Variants in ADGRV1 observed in about 807,000 individuals in gnomAD.
The protein encoded by ADGRV1 is adhesion G protein-coupled receptor V1, also known as G-protein coupled receptor 98.
ADGRV1 carries 359 observed loss-of-function variants against 596.2 expected under a neutral mutation model. The ratio of observed to expected loss-of-function variants is 0.60; its 90% confidence interval spans 0.55 to 0.66. ADGRV1 has a LOEUF of 0.66. Among genes scored for constraint, ADGRV1 ranks in the 30% least tolerant of loss-of-function variants. The probability of loss-of-function intolerance (pLI) is 0.00; values close to 1 mark genes in which losing one functional copy is unlikely to be tolerated. For synonymous variants in ADGRV1, 2,681 were observed against 2,679.2 expected (o/e 1.00, Z -0.02); for missense variants, 7,274 against 7,575.6 (o/e 0.96, Z 1.48).
At chr5:90,589,439 TCTCTC>T (rs1289388897) in intron 1 of ADGRV1, among the ~76,000 whole-genome samples, 1 of 152,168 alleles carries the variant, frequency 6.6e-6, no homozygotes, top group African/African-American at 2.4e-5. Context: ...GAAACTGGCT[TCTCTC>T]CTCAAGCAAT....
chr5:90,996,226 A>G (rs1471035666), intron 85 of ADGRV1, among the ~76,000 whole-genome samples: 1 of 152,208 alleles, frequency 6.6e-6, no homozygotes, highest in Non-Finnish European at 1.5e-5. Context: ...TTACAAGCCC[A>G]GAGGCCTGGG....
chr5:90,763,347 T>C lies in ADGRV1; in HGVS notation c.12163T>C (p.Tyr4055His), dbSNP rs1561680396. ...ESLSSDDPDS[Y>H]VTLTVVRSPG... ...CCTTTCATCCGATGACCCTGATTCA[T>C]ATGTGACATTGACGGTTGTCCGGTC... Residue 4055 changes from tyrosine to histidine, a missense_variant, in exon 59 of 90, where the codon TAT becomes CAT. Tyr to His is a moderately conservative substitution (Grantham distance 83). Transcript: ENST00000405460. 2 of 1,611,148 alleles carry C rather than the reference T, an allele frequency of 1.2e-6. No individual in the cohort carries two copies. Among genetic ancestry groups the C allele is most frequent in the Non-Finnish European group, 1.7e-6 (2 of 1,177,722 alleles).
chr5:91,134,955 G>T (rs970206179), intron 87 of ADGRV1, among the ~76,000 whole-genome samples: 4 of 151,932 alleles, frequency 2.6e-5, no homozygotes, highest in Admixed American at 6.6e-5. Flanking sequence ...GCCAAGGTGG[G>T]CAGATCACTT....
rs771912274 is a variant in ADGRV1, at chr5:90,676,139, C to T, written c.5373C>T (p.Asn1791=). 4 of 1,604,564 alleles carry T rather than the reference C, an allele frequency of 2.5e-6. No homozygotes were observed. The highest frequency in any genetic ancestry group is 3.4e-6 in the Non-Finnish European group (4 of 1,174,040). The part of the protein sequence containing the change: ...PGERYKYIFI[N]ITDNSIPELE... ...AAAGATATAAATACATTTTCATAAA[C>T]ATCACTGATAATTCTATTCCTGAAC... The change falls in exon 25 of 90, where the codon AAC becomes AAT. Residue 1791 remains asparagine (N), a synonymous_variant. Transcript: ENST00000405460.
intron 83 of ADGRV1, among the ~76,000 whole-genome samples, chr5:90,940,071 G>A (rs1480968593): frequency 6.6e-6 from 1 of 152,056 alleles, no homozygotes; most frequent in African/African-American, 2.4e-5. Flanking sequence ...ATGCATTGTC[G>A]ACTTGTTTTC....
intron 30 of ADGRV1, 79 bp from the exon 31 acceptor site, chr5:90,690,718 C>A (rs895365089): frequency 1.5e-6 from 2 of 1,375,650 alleles, no homozygotes; most frequent in Non-Finnish European, 2.0e-6. Context: ...AGAGAATCCA[C>A]TATAGGATGG....
chr5:90,932,802 G>C (rs569685293), intron 83 of ADGRV1, among the ~76,000 whole-genome samples: 1 of 151,992 alleles, frequency 6.6e-6, no homozygotes, highest in African/African-American at 2.4e-5. Context: ...AGTTGTGTGT[G>C]TGTGTGTGTA....
At chr5:91,085,375 A>T (rs1393883546) in intron 86 of ADGRV1, among the ~76,000 whole-genome samples, 2 of 152,192 alleles carry the variant, frequency 1.3e-5, no homozygotes, top group Non-Finnish European at 2.9e-5. Context: ...AAGTACTCTT[A>T]ACTAAGCCAT....
At chr5:90,574,696 A>G (rs1392738171) in intron 1 of ADGRV1, among the ~76,000 whole-genome samples, 1 of 152,200 alleles carries the variant, frequency 6.6e-6, no homozygotes, top group East Asian at 1.9e-4. Context: ...GGTAGAGTTC[A>G]GCTGTGAATC....
chr5:90,643,071 C>G (rs1286587869), intron 13 of ADGRV1, 30 bp downstream of exon 13: 3 of 1,547,528 alleles, frequency 1.9e-6, no homozygotes, highest in Non-Finnish European at 2.7e-6. Context: ...CTTTGTGTTT[C>G]TCTGTAAGAT....
intron 84 of ADGRV1, among the ~76,000 whole-genome samples, chr5:90,978,250 G>A (rs933658982): frequency 6.6e-5 from 10 of 151,972 alleles, no homozygotes; most frequent in Non-Finnish European, 1.3e-4. Context: ...AGCCGAGATC[G>A]CGCCACTACA....
At chr5:90,802,657 G>T (rs1181514545) in intron 70 of ADGRV1, 82 bp from the exon 71 acceptor site, 2 of 1,278,792 alleles carry the variant, frequency 1.6e-6, no homozygotes, top group Non-Finnish European at 2.2e-6. Flanking sequence ...GCAACCTCAG[G>T]CATTATGCTA....
At chr5:91,104,390 G>A (rs925943536) in intron 87 of ADGRV1, among the ~76,000 whole-genome samples, 1 of 152,156 alleles carries the variant, frequency 6.6e-6, no homozygotes, top group Non-Finnish European at 1.5e-5. Context: ...CAGATTAAAA[G>A]AATTAGCATA....
chr5:90,697,291 G>C, intron 34 of ADGRV1, 145 bp downstream of exon 34: 2 of 719,614 alleles, frequency 2.8e-6, no homozygotes, highest in Non-Finnish European at 4.4e-6. Context: ...TTCTTTGGGA[G>C]AAGGCTTTAT....
chr5:90,589,799 A>G (rs1033860905), intron 1 of ADGRV1, among the ~76,000 whole-genome samples: 1 of 152,174 alleles, frequency 6.6e-6, no homozygotes, highest in Non-Finnish European at 1.5e-5. Flanking sequence ...CTTTTCAAAA[A>G]CAGCATCAGA....
chr5:90,659,223 A>G (rs1769882091), intron 21 of ADGRV1, among the ~76,000 whole-genome samples: 1 of 152,190 alleles, frequency 6.6e-6, no homozygotes, highest in Non-Finnish European at 1.5e-5. Context: ...ATACAAATCT[A>G]CAACTTGAAA....
In ADGRV1 at chr5:90,653,783, G is replaced by T; in HGVS notation, c.4209G>T (p.Leu1403Phe). 2 of 1,613,394 alleles carry T rather than the reference G, an allele frequency of 1.2e-6. No homozygotes were observed. Among genetic ancestry groups the T allele is most frequent in the Non-Finnish European group, 1.7e-6 (2 of 1,179,670 alleles). ...CACTTTCCCTTCATTATAAAACCTT[G>T]GGTTCCAATGCTACATACATTGCCA... ...HVTLSLHYKT[L>F]GSNATYIAKT... The change falls in exon 20 of 90, where the codon TTG becomes TTT. Residue 1403 changes from leucine (L) to phenylalanine (F), a missense_variant. Transcript: ENST00000405460.
chr5:90,980,435 T>C (rs1779986934), intron 84 of ADGRV1, among the ~76,000 whole-genome samples: 1 of 152,192 alleles, frequency 6.6e-6, no homozygotes, highest in Non-Finnish European at 1.5e-5. Flanking sequence ...GTATGAAATG[T>C]AGAAACAGTC....
At chr5:91,133,898 G>A (rs765942775) in intron 87 of ADGRV1, among the ~76,000 whole-genome samples, 4 of 152,014 alleles carry the variant, frequency 2.6e-5, no homozygotes, top group Non-Finnish European at 4.4e-5. Flanking sequence ...AGTACCAAGA[G>A]GGTGCCCTTT....
Sources: allele counts gnomAD v4.1 joint callset (sites outside exome capture counted in the v4.1 genomes callset), GRCh38; gene constraint gnomAD v4.1.1; transcripts MANE v1.5; gene names NCBI Gene and HGNC (gene_info 2026-07-23, HGNC 2026-07-21).